The following IL1RAPL2 variants were observed in gnomAD, a reference collection of about 807,000 sequenced individuals.
The protein encoded by IL1RAPL2 is interleukin 1 receptor accessory protein like 2, also known as X-linked interleukin-1 receptor accessory protein-like 2.
In IL1RAPL2, 3 loss-of-function variants were observed where a neutral mutation model predicts 44.1. That is an observed-to-expected ratio of 0.07 (90% CI 0.03 to 0.18). The LOEUF (loss-of-function observed/expected upper bound fraction) is 0.18, where lower values mean the gene tolerates loss of function less well. Ranked by LOEUF, IL1RAPL2 falls within the 10% of genes least tolerant of loss-of-function variation. The probability of loss-of-function intolerance (pLI) is 1.00; values close to 1 mark genes in which losing one functional copy is unlikely to be tolerated. For missense variants in IL1RAPL2, 391 were observed against 496.4 expected, an observed-to-expected ratio of 0.79 and a Z score of 2.02; for synonymous variants, 181 against 178.8, an observed-to-expected ratio of 1.01 and a Z score of -0.10.
At chrX:105,085,045 T>C (rs1443736855) in intron 2 of IL1RAPL2, among the ~76,000 whole-genome samples, 1 of 112,220 alleles carries the variant, frequency 8.9e-6, no homozygotes, top group African/African-American at 3.2e-5. Flanking sequence ...ACCATAATTG[T>C]AGGTTTCCTG....
chrX:104,691,339 A>T (rs1301058476), intron 2 of IL1RAPL2, among the ~76,000 whole-genome samples: 1 of 111,435 alleles, frequency 9.0e-6, no homozygotes, highest in Non-Finnish European at 1.9e-5. Context: ...AGGCTCTGGG[A>T]TTTCTTTAAA....
At chrX:104,742,085 G>T (rs1022690000) in intron 2 of IL1RAPL2, among the ~76,000 whole-genome samples, 1 of 111,182 alleles carries the variant, frequency 9.0e-6, no homozygotes, top group African/African-American at 3.3e-5. Context: ...TTTAGTGACC[G>T]TTTTGTCATT....
intron 6 of IL1RAPL2, among the ~76,000 whole-genome samples, chrX:105,685,501 G>T (rs1252598421): frequency 1.8e-5 from 2 of 111,603 alleles, no homozygotes; most frequent in Non-Finnish European, 3.8e-5. Flanking sequence ...CAGGGTTAGA[G>T]AAAAAGAGTA....
At chrX:104,614,086 T>C (rs1300533440) in intron 1 of IL1RAPL2, among the ~76,000 whole-genome samples, 1 of 111,559 alleles carries the variant, frequency 9.0e-6, no homozygotes, top group African/African-American at 3.3e-5. Flanking sequence ...CTCTCTTTTT[T>C]CCTTTGCTAA....
At chrX:104,848,409 GTATATATATATATA>G (rs35503754) in intron 2 of IL1RAPL2, among the ~76,000 whole-genome samples, 25,680 of 64,792 alleles carry the variant, frequency 0.4, 4,144 homozygotes, top group Middle Eastern at 0.56. Context: ...ATTTTTATCT[GTATATATATATATA>G]TATATATATA....
At chrX:104,899,779 C>T (rs141047628) in intron 2 of IL1RAPL2, among the ~76,000 whole-genome samples, 1 of 111,829 alleles carries the variant, frequency 8.9e-6, no homozygotes, top group Admixed American at 9.6e-5. Context: ...ATCTCTCCCC[C>T]TGACAAGATA....
At chrX:104,776,115 T>C (rs939289269) in intron 2 of IL1RAPL2, among the ~76,000 whole-genome samples, 6 of 112,151 alleles carry the variant, frequency 5.3e-5, no homozygotes, top group Non-Finnish European at 9.4e-5. Flanking sequence ...CATATTCCCT[T>C]ATTCATTTGA....
rs774772828 is a variant in IL1RAPL2 at position 104,915,519 on chromosome X, G to T, written c.82+256524G>T. Among the ~76,000 whole-genome samples, 556 of 110,862 alleles carry T rather than the reference G, an allele frequency of 5.0e-3. 4 individuals carry two copies. Among genetic ancestry groups the T allele is most frequent in the Non-Finnish European group, 7.6e-3 (402 of 52,943 alleles). ...AATTTTTTTTCCCATTCTGTAGGTT[G>T]CCTGTTCACTCTGATGGTAGTTTCT... is the stretch of plus-strand genomic sequence containing the variant. On this transcript the variant is annotated intron_variant, in intron 2 of 10. Transcript: ENST00000372582.
intron 5 of IL1RAPL2, among the ~76,000 whole-genome samples, chrX:105,313,219 T>C (rs1396401419): frequency 8.9e-6 from 1 of 111,911 alleles, no homozygotes; most frequent in African/African-American, 3.2e-5. Context: ...TATAGTGATG[T>C]GCCTGAACTC....
chrX:104,949,224 C>G (rs1323430202), intron 2 of IL1RAPL2, among the ~76,000 whole-genome samples: 2 of 109,010 alleles, frequency 1.8e-5, no homozygotes, highest in African/African-American at 6.6e-5. Context: ...TTGTAGTATT[C>G]TCTGATGGTA....
intron 2 of IL1RAPL2, among the ~76,000 whole-genome samples, chrX:105,041,824 C>G (rs1462651349): frequency 9.0e-6 from 1 of 110,556 alleles, no homozygotes; most frequent in Non-Finnish European, 1.9e-5. Context: ...TGACTTCAAA[C>G]TATACTACAA....
chrX:105,350,446 G>A (rs963594627), intron 5 of IL1RAPL2, among the ~76,000 whole-genome samples: 43 of 112,586 alleles, frequency 3.8e-4, no homozygotes, highest in African/African-American at 1.3e-3. Flanking sequence ...TCTTGAGGTT[G>A]GGCATGGTGG....
At chrX:104,875,440 A>G (rs1451903400) in intron 2 of IL1RAPL2, among the ~76,000 whole-genome samples, 1 of 111,795 alleles carries the variant, frequency 8.9e-6, no homozygotes, top group Non-Finnish European at 1.9e-5. Flanking sequence ...TACAATATGA[A>G]AAAGAAACCA....
At chrX:105,512,857 T>C (rs935455200) in intron 6 of IL1RAPL2, among the ~76,000 whole-genome samples, 1 of 110,705 alleles carries the variant, frequency 9.0e-6, no homozygotes, top group Non-Finnish European at 1.9e-5. Flanking sequence ...GCCATGGTGG[T>C]TTGCTGCACA....
chrX:105,031,763 T>C lies in IL1RAPL2; in HGVS notation c.83-163712T>C, dbSNP rs149573116. Among the ~76,000 whole-genome samples the C allele has an allele frequency of 6.7e-4, 75 of 111,530 alleles. No individual in the cohort carries two copies. In the East Asian group the frequency reaches 9.6e-3, roughly 14 times the overall value. On this transcript the variant is annotated intron_variant, in intron 2 of 10. Coordinates refer to ENST00000372582, the MANE Select transcript of IL1RAPL2 (RefSeq NM_017416.2). ...TCAGGATGATGCTGACCTCATAAAA[T>C]GAGTAAGGGAGGATTCCCTCTTTTT...
intron 5 of IL1RAPL2, among the ~76,000 whole-genome samples, chrX:105,273,506 C>G (rs1014749908): frequency 4.5e-5 from 5 of 111,911 alleles, no homozygotes; most frequent in Non-Finnish European, 7.5e-5. Flanking sequence ...TTTGACCTAC[C>G]TTGTTTAACT....
chrX:104,888,005 C>T (rs994959524), intron 2 of IL1RAPL2, among the ~76,000 whole-genome samples: 3 of 111,244 alleles, frequency 2.7e-5, no homozygotes, highest in African/African-American at 9.8e-5. Flanking sequence ...TCCTACATGC[C>T]CATGCTGCAA....
chrX:105,446,012 A>G (rs1417643063), intron 5 of IL1RAPL2, among the ~76,000 whole-genome samples: 1 of 111,392 alleles, frequency 9.0e-6, no homozygotes, highest in Non-Finnish European at 1.9e-5. Flanking sequence ...CTATTATTAT[A>G]TTAGGATTTA....
At chrX:104,698,733 C>T (rs1241506417) in intron 2 of IL1RAPL2, among the ~76,000 whole-genome samples, 2 of 111,418 alleles carry the variant, frequency 1.8e-5, no homozygotes, top group Non-Finnish European at 3.8e-5. Context: ...CTCTGAGACA[C>T]CTGTTTTTAA....
Sources: gnomAD v4.1 joint callset for allele counts (sites outside exome capture counted in the v4.1 genomes callset) on GRCh38, gnomAD v4.1.1 for gene constraint, MANE v1.5 for transcripts, NCBI Gene and HGNC (gene_info 2026-07-23, HGNC 2026-07-21) for gene names.